The following DENND1B variants were observed in gnomAD, a reference collection of about 807,000 sequenced individuals.
The protein encoded by DENND1B is DENN domain containing 1B.
Under a neutral mutation model 90.1 loss-of-function variants are expected in DENND1B, and 59 were observed. The observed-to-expected ratio is 0.65, with a 90% confidence interval of 0.53 to 0.81. DENND1B has a LOEUF of 0.81. Ranked by LOEUF, DENND1B falls within the 40% of genes least tolerant of loss-of-function variation. The pLI, the probability that DENND1B is intolerant of heterozygous loss-of-function variation, is 0.00. For missense variants in DENND1B, 862 were observed against 912.6 expected, an observed-to-expected ratio of 0.94 and a Z score of 0.71; for synonymous variants, 337 against 324.6, an observed-to-expected ratio of 1.04 and a Z score of -0.41.
chr1:197,550,669 A>G (rs1345638350), intron 16 of DENND1B, among the ~76,000 whole-genome samples: 4 of 146,808 alleles, frequency 2.7e-5, no homozygotes, highest in Admixed American at 6.8e-5. Context: ...TTGTGGGGTG[A>G]GGGGGGGGGG....
intron 20 of DENND1B, among the ~76,000 whole-genome samples, chr1:197,513,266 T>G (rs910659910): frequency 1.3e-5 from 2 of 151,494 alleles, no homozygotes; most frequent in African/African-American, 4.8e-5. Context: ...TGACTTATAC[T>G]CAATTATACC....
chr1:197,722,072 A>G (rs1443800058), intron 2 of DENND1B, among the ~76,000 whole-genome samples: 7 of 152,064 alleles, frequency 4.6e-5, no homozygotes, highest in African/African-American at 1.7e-4. Flanking sequence ...ATGTGAGAAA[A>G]TTTTTCTTGC....
chr1:197,522,826 A>G (rs917797011), intron 20 of DENND1B, among the ~76,000 whole-genome samples: 94 of 152,092 alleles, frequency 6.2e-4, no homozygotes, highest in Admixed American at 2.4e-3. Flanking sequence ...TAATTTCACC[A>G]TTGGCAAAGC....
intron 3 of DENND1B, among the ~76,000 whole-genome samples, chr1:197,683,343 A>C (rs1656887949): frequency 6.6e-6 from 1 of 152,188 alleles, no homozygotes; most frequent in Non-Finnish European, 1.5e-5. Context: ...ATATGATTGG[A>C]CTTCAATTTT....
At chr1:197,551,634 T>C (rs1480113897) in intron 16 of DENND1B, among the ~76,000 whole-genome samples, 5 of 152,106 alleles carry the variant, frequency 3.3e-5, no homozygotes, top group African/African-American at 1.2e-4. Context: ...TACAAAAGGA[T>C]CATAGTTCTA....
At chr1:197,773,949 A>T (rs1057330129) in intron 1 of DENND1B, among the ~76,000 whole-genome samples, 3 of 151,982 alleles carry the variant, frequency 2.0e-5, no homozygotes, top group African/African-American at 4.8e-5. Flanking sequence ...CTCTGACTTT[A>T]AAAAAAAGCA....
At chr1:197,552,556 G>A in intron 16 of DENND1B, 1 of 985,252 alleles carries the variant, frequency 1.0e-6, no homozygotes, top group Non-Finnish European at 1.2e-6. Flanking sequence ...AAAAGGTAAA[G>A]ACATCTGTAT....
At chr1:197,763,876 G>A (rs1340148489) in intron 2 of DENND1B, among the ~76,000 whole-genome samples, 1 of 152,098 alleles carries the variant, frequency 6.6e-6, no homozygotes, top group African/African-American at 2.4e-5. Context: ...TGAAATTGAC[G>A]CTTCCCCTTC....
At chr1:197,707,218 T>C (rs1361618066) in intron 3 of DENND1B, among the ~76,000 whole-genome samples, 1 of 152,054 alleles carries the variant, frequency 6.6e-6, no homozygotes, top group Non-Finnish European at 1.5e-5. Flanking sequence ...ATTGATCTCA[T>C]AGAAGTAGAG....
chr1:197,541,157 T>C, intron 18 of DENND1B, 142 bp from the exon 19 acceptor site: 1 of 776,682 alleles, frequency 1.3e-6, no homozygotes, highest in Non-Finnish European at 2.1e-6. Context: ...AACATTCTAT[T>C]TTCAGGGATA....
chr1:197,773,155 G>T, intron 1 of DENND1B: 1 of 530,488 alleles, frequency 1.9e-6, no homozygotes, highest in African/African-American at 1.9e-5. Flanking sequence ...GCATTTAAAC[G>T]CTGAGACTGT....
intron 3 of DENND1B, among the ~76,000 whole-genome samples, chr1:197,702,059 A>G (rs1387180715): frequency 6.6e-6 from 1 of 152,178 alleles, no homozygotes; most frequent in Non-Finnish European, 1.5e-5. Context: ...GAGTCTATCA[A>G]TAAAGTAGAT....
chr1:197,671,623 G>A (rs1333311398), intron 5 of DENND1B, among the ~76,000 whole-genome samples: 4 of 152,152 alleles, frequency 2.6e-5, no homozygotes, highest in East Asian at 1.9e-4. Context: ...ACCTCTAAAC[G>A]CTTCTACCAG....
intron 13 of DENND1B, among the ~76,000 whole-genome samples, chr1:197,602,233 G>T (rs944041492): frequency 1.3e-5 from 2 of 151,448 alleles, no homozygotes; most frequent in African/African-American, 4.8e-5. Flanking sequence ...TATTACAAAA[G>T]ATAAAAGAAG....
At chr1:197,751,619 G>A (rs900333230) in intron 2 of DENND1B, among the ~76,000 whole-genome samples, 7 of 152,104 alleles carry the variant, frequency 4.6e-5, no homozygotes, top group African/African-American at 1.7e-4. Context: ...CGAGGTGGGT[G>A]GATCACTTGA....
chr1:197,769,893 A>G (rs930171482), intron 2 of DENND1B, among the ~76,000 whole-genome samples: 1 of 152,162 alleles, frequency 6.6e-6, no homozygotes, highest in South Asian at 2.1e-4. Context: ...TCTATTTAAG[A>G]TTTAGCTGTA....
chr1:197,695,801 G>A (rs1422435895), intron 3 of DENND1B, among the ~76,000 whole-genome samples: 2 of 151,056 alleles, frequency 1.3e-5, no homozygotes, highest in East Asian at 3.9e-4. Flanking sequence ...TATTTTCAGA[G>A]TATTAGAATT....
chr1:197,728,012 T>C (rs1661808382), intron 2 of DENND1B, among the ~76,000 whole-genome samples: 2 of 152,324 alleles, frequency 1.3e-5, no homozygotes, highest in South Asian at 2.1e-4. Flanking sequence ...ACATATAATT[T>C]AAAACAAATT....
upstream of DENND1B, among the ~76,000 whole-genome samples, chr1:197,777,991 G>A (rs1321458340): frequency 7.9e-5 from 12 of 152,142 alleles, no homozygotes; most frequent in East Asian, 2.3e-3. Flanking sequence ...CAATTAATGG[G>A]AGAGATGAGT....
Sources: gnomAD v4.1 joint callset for allele counts (sites outside exome capture counted in the v4.1 genomes callset) on GRCh38, gnomAD v4.1.1 for gene constraint, MANE v1.5 for transcripts, NCBI Gene and HGNC (gene_info 2026-07-23, HGNC 2026-07-21) for gene names.